The following USP31 variants were observed in gnomAD, a reference collection of about 807,000 sequenced individuals.
USP31 encodes ubiquitin carboxyl-terminal hydrolase 31.
USP31 carries 44 observed loss-of-function variants against 119.4 expected under a neutral mutation model. The observed-to-expected ratio is 0.37, with a 90% CI of 0.29 to 0.47. The LOEUF (loss-of-function observed/expected upper bound fraction) is 0.47. Among genes scored for constraint, USP31 ranks in the 20% least tolerant of loss-of-function variants. The pLI, the probability that USP31 is intolerant of heterozygous loss-of-function variation, is 0.99. For missense variants in USP31, 1,643 were observed against 1,730.2 expected, an observed-to-expected ratio of 0.95 and a Z score of 0.89; for synonymous variants, 749 against 705.6, an observed-to-expected ratio of 1.06 and a Z score of -0.97.
chr16:23,082,831 C>CTCTTTTTTTTTTT (rs749099969), intron 11 of USP31, among the ~76,000 whole-genome samples: 1 of 129,330 alleles, frequency 7.7e-6, no homozygotes, highest in African/African-American at 2.8e-5. Flanking sequence ...CTTTCTCTCT[C>CTCTTTTTTTTTTT]TTTTTTTTTT....
chr16:23,103,567 G>A (rs533612664), intron 5 of USP31, among the ~76,000 whole-genome samples: 1 of 152,302 alleles, frequency 6.6e-6, no homozygotes, highest in South Asian at 2.1e-4. Context: ...AAGATACCTA[G>A]TATGAGATAC....
rs1250478219 is a variant in USP31 at position 23,061,843 on chromosome 16, G to A, written c.*6203C>T. The A allele has an allele frequency of 2.6e-5, 4 of 152,652 alleles. No homozygotes were observed. Among genetic ancestry groups the A allele is most frequent in the East Asian group, 3.8e-4 (2 of 5,206 alleles). The allele number at this position is 152,652 out of a possible 1,614,324, so 9.5% of individuals were successfully genotyped here. A position where few individuals can be genotyped will look rare whatever the true frequency, so the allele number is the denominator to read the frequency against. On this transcript the variant is annotated 3_prime_UTR_variant, in exon 16 of 16. Transcript: ENST00000219689. ...AAACTGAAGAGTTCAATCAAGAAAC[G>A]ACTTATGTCAATGAGGCTTAAATTC...
intron 1 of USP31, among the ~76,000 whole-genome samples, chr16:23,113,237 G>C (rs946732543): frequency 1.9e-4 from 29 of 152,122 alleles, no homozygotes; most frequent in African/African-American, 7.0e-4. Flanking sequence ...TGAACAAGTT[G>C]CATTTGAGGT....
At chr16:23,116,135 A>T (rs1033860793) in intron 1 of USP31, among the ~76,000 whole-genome samples, 1 of 152,226 alleles carries the variant, frequency 6.6e-6, no homozygotes, top group East Asian at 1.9e-4. Context: ...CATCAAACCC[A>T]ATCATTGCCC....
At chr16:23,083,707 G>GC (rs1900951485) in intron 11 of USP31, among the ~76,000 whole-genome samples, 1 of 109,774 alleles carries the variant, frequency 9.1e-6, no homozygotes, top group Non-Finnish European at 1.8e-5. Flanking sequence ...GGGGGGGGGG[G>GC]GGGGAAGGGG....
intron 13 of USP31, among the ~76,000 whole-genome samples, chr16:23,077,008 A>C (rs1380078507): frequency 6.6e-6 from 1 of 152,246 alleles, no homozygotes; most frequent in African/African-American, 2.4e-5. Context: ...CATGGCCCCC[A>C]TAAAATAGAA....
intron 1 of USP31, among the ~76,000 whole-genome samples, chr16:23,119,625 A>G (rs570303188): frequency 5.9e-5 from 9 of 152,194 alleles, no homozygotes; most frequent in Non-Finnish European, 1.2e-4. Context: ...CTGCTCTTAA[A>G]TAACTCCTTG....
chr16:23,091,939 G>A (rs886068150), intron 6 of USP31, among the ~76,000 whole-genome samples: 3 of 152,260 alleles, frequency 2.0e-5, no homozygotes, highest in South Asian at 2.1e-4. Flanking sequence ...CAATAAACTC[G>A]TTTCCCAGGT....
At chr16:23,091,571 G>A (rs983166794) in intron 6 of USP31, among the ~76,000 whole-genome samples, 3 of 152,076 alleles carry the variant, frequency 2.0e-5, no homozygotes, top group African/African-American at 7.2e-5. Context: ...ACCAGAAAGA[G>A]AATAAAATAC....
Position 23,148,921 on chromosome 16 carries a change from G to C in USP31, c.350C>G (p.Pro117Arg). The C allele has an allele frequency of 7.6e-7, 1 of 1,309,094 alleles. No homozygotes were observed. The highest frequency in any genetic ancestry group is 9.8e-7 in the Non-Finnish European group (1 of 1,023,016). 81.1% of individuals were successfully genotyped at this position (1,309,094 alleles called of 1,614,324 possible). A position where few individuals can be genotyped will look rare whatever the true frequency, so the allele number is the denominator to read the frequency against. Residue 117 changes from proline to arginine, a missense_variant, in exon 1 of 16, where the codon CCC (proline) becomes CGC (arginine). By Grantham distance (103) the Pro-to-Arg change is moderately radical (BLOSUM62 -2). This residue lies in a region of USP31 where 302 missense variants were observed against 262.6 expected (regional missense o/e 1.15). Transcript: ENST00000219689. ...CPPPPASPAP[P>R]ACAAEPVPGV... ...GGGCACCGGCTCGGCGGCGCAAGCG[G>C]GCGGCGCGGGAGAGGCGGGCGGCGG...
chr16:23,098,404 T>G (rs531157598), intron 6 of USP31, among the ~76,000 whole-genome samples: 1 of 152,162 alleles, frequency 6.6e-6, no homozygotes, highest in Non-Finnish European at 1.5e-5. Flanking sequence ...CTGCCCAGGG[T>G]AATTTACAGT....
Position 23,149,331 on chromosome 16 carries a change from C to T in USP31, c.-61G>A. 1 of 1,007,920 alleles carries T rather than the reference C, an allele frequency of 9.9e-7. No homozygotes were observed. The highest frequency in any genetic ancestry group is 1.2e-6 in the Non-Finnish European group (1 of 846,380). The allele number at this position is 1,007,920 out of a possible 1,614,324, so 62.4% of individuals were successfully genotyped here. A position where few individuals can be genotyped will look rare whatever the true frequency, so the allele number is the denominator to read the frequency against. On this transcript the variant is annotated 5_prime_UTR_variant, in exon 1 of 16. Transcript: ENST00000219689. ...CGCCCGGCCCGCGGCCCCGCCACGG[C>T]CGCCGCCGCATCCCGCAGCGCCGCG... is the stretch of plus-strand genomic sequence containing the variant.
chr16:23,102,873 T>C (rs1431094264), intron 5 of USP31, among the ~76,000 whole-genome samples: 6 of 152,210 alleles, frequency 3.9e-5, no homozygotes, highest in African/African-American at 1.4e-4. Flanking sequence ...TAAAGTATAT[T>C]GGAAGTACAA....
chr16:23,085,785 T>C (rs1243833174), intron 9 of USP31, 123 bp from the exon 10 acceptor site: 44 of 885,282 alleles, frequency 5.0e-5, no homozygotes, highest in Non-Finnish European at 3.5e-5. Flanking sequence ...ATCTTCATCA[T>C]AGTTCCCCAT....
Position 23,087,151 on chromosome 16 carries a change from A to G in USP31, c.1563T>C (p.Val521=). 1 of 1,613,886 alleles carries G rather than the reference A, an allele frequency of 6.2e-7. No homozygotes were observed. The highest frequency in any genetic ancestry group is 8.5e-7 in the Non-Finnish European group (1 of 1,179,904). Reference sequence around the variant, plus strand: ...CCTGGGGCAGCAAATATGTTATTCCAACAACACTGACCACACGCAAGCTGA... The same window carrying G: ...CCTGGGGCAGCAAATATGTTATTCCGACAACACTGACCACACGCAAGCTGA... ...CPFSLRVVSV[V]GITYLLPQEE... Residue 521 remains valine (V), a synonymous_variant, in exon 9 of 16, where the codon GTT becomes GTC. Coordinates refer to ENST00000219689, the MANE Select transcript of USP31 (RefSeq NM_020718.4).
At position 23,106,458 on chromosome 16, in the gene USP31, C is replaced by T. The variant is rs751697306; in HGVS notation, c.801G>A (p.Glu267=). The part of the protein sequence containing the change: ...KPPSETDMMP[E]GPSFPVCSTF... ...TGCTACAGACAGGGAAAGATGGTCCCTCAGGCATCATATCAGTCTCTGATG... is the reference window on the plus strand; with the variant it reads ...TGCTACAGACAGGGAAAGATGGTCCTTCAGGCATCATATCAGTCTCTGATG... Residue 267 remains glutamate, a synonymous_variant, in exon 3 of 16, where the codon GAG becomes GAA. Transcript: ENST00000219689. The T allele has an allele frequency of 1.2e-6, 2 of 1,613,350 alleles. No homozygotes were observed. Among genetic ancestry groups the T allele is most frequent in the African/African-American group, 2.7e-5 (2 of 74,850 alleles).
intron 13 of USP31, among the ~76,000 whole-genome samples, chr16:23,076,664 T>C (rs888999991): frequency 5.9e-5 from 9 of 152,226 alleles, no homozygotes; most frequent in Non-Finnish European, 1.3e-4. Context: ...ATTCTATATA[T>C]AAAGAGCAAC....
intron 12 of USP31, 94 bp downstream of exon 12, chr16:23,082,344 A>G: frequency 6.7e-7 from 1 of 1,501,916 alleles, no homozygotes; most frequent in Non-Finnish European, 9.1e-7. Flanking sequence ...TGGATCAAAC[A>G]GGTATACCAA....
rs1026111734 is a variant in USP31 at position 23,065,699 on chromosome 16, C to T, written c.*2347G>A. 2.0e-5 allele frequency: 3 copies of T among 146,458 alleles called. No individual in the cohort carries two copies. Among genetic ancestry groups the T allele is most frequent in the Non-Finnish European group, 3.0e-5 (2 of 66,380 alleles). The allele number at this position is 146,458 out of a possible 1,614,324, so 9.1% of individuals were successfully genotyped here. On this transcript the variant is annotated 3_prime_UTR_variant, in exon 16 of 16. Transcript: ENST00000219689. ...AAAGGGATTTGTAGAAACGTTTTTC[C>T]TTTTTTTTTTTAAGTCACTAGACAT...
Sources: gnomAD v4.1 joint callset for allele counts (sites outside exome capture counted in the v4.1 genomes callset) on GRCh38, gnomAD v4.1.1 for gene constraint, gnomAD v4.1.1 regional missense constraint, MANE v1.5 for transcripts, NCBI Gene and HGNC (gene_info 2026-07-23, HGNC 2026-07-21) for gene names.